The following R3HCC1L variants were observed in gnomAD, a reference collection of about 807,000 sequenced individuals.
The protein encoded by R3HCC1L is coiled-coil domain-containing protein R3HCC1L.
Under a neutral mutation model 59.9 loss-of-function variants are expected in R3HCC1L, and 51 were observed. The observed-to-expected ratio is 0.85, with a 90% CI of 0.68 to 1.07. The LOEUF (loss-of-function observed/expected upper bound fraction) is 1.07, where lower values mean the gene tolerates loss of function less well. Ranked by LOEUF, R3HCC1L falls within the 50% of genes least tolerant of loss-of-function variation. R3HCC1L has a pLI of 0.00. For synonymous variants in R3HCC1L, 322 were observed against 315.2 expected (o/e 1.02, Z -0.23); for missense variants, 965 against 933.0 (o/e 1.03, Z -0.45).
chr10:98,181,867 C>T (rs1213278621), intron 4 of R3HCC1L, among the ~76,000 whole-genome samples: 1 of 152,172 alleles, frequency 6.6e-6, no homozygotes, highest in African/African-American at 2.4e-5. Context: ...TCCATCAGGT[C>T]ATTTAAGGTC....
chr10:98,217,640 G>C (rs1340932093), intron 5 of R3HCC1L, among the ~76,000 whole-genome samples: 1 of 152,060 alleles, frequency 6.6e-6, no homozygotes, highest in East Asian at 1.9e-4. Flanking sequence ...AATTTTTCCA[G>C]TTCATAAGCA....
At chr10:98,140,075 C>T (rs937354464) in intron 1 of R3HCC1L, among the ~76,000 whole-genome samples, 5 of 151,934 alleles carry the variant, frequency 3.3e-5, no homozygotes, top group Non-Finnish European at 7.4e-5. Context: ...GTGTGTAGCA[C>T]TCCTTAATAT....
intron 4 of R3HCC1L, among the ~76,000 whole-genome samples, chr10:98,166,953 C>A (rs1331550827): frequency 6.6e-6 from 1 of 152,128 alleles, no homozygotes; most frequent in Non-Finnish European, 1.5e-5. Flanking sequence ...GCGTGAGCCA[C>A]CGCGCCTGAC....
chr10:98,234,406 A>G (rs113235248), intron 6 of R3HCC1L, 40 bp from the exon 7 acceptor site: 2 of 1,566,606 alleles, frequency 1.3e-6, no homozygotes, highest in Non-Finnish European at 8.8e-7. Flanking sequence ...ATAAAAGTAA[A>G]TTTTATTTTA....
intron 5 of R3HCC1L, among the ~76,000 whole-genome samples, chr10:98,228,013 C>A (rs756398556): frequency 6.6e-6 from 1 of 152,080 alleles, no homozygotes; most frequent in African/African-American, 2.4e-5. Flanking sequence ...CCGAGTCTTT[C>A]CTATTGTGAA....
At chr10:98,140,497 A>G (rs1276953941) in intron 1 of R3HCC1L, among the ~76,000 whole-genome samples, 1 of 152,162 alleles carries the variant, frequency 6.6e-6, no homozygotes, top group Admixed American at 6.5e-5. Context: ...AGAGAGGGAC[A>G]GTCACCTAGG....
intron 4 of R3HCC1L, among the ~76,000 whole-genome samples, chr10:98,207,384 G>A (rs907976889): frequency 6.6e-6 from 1 of 152,150 alleles, no homozygotes; most frequent in African/African-American, 2.4e-5. Context: ...CCATGGTGGA[G>A]GTTGTCAGGG....
At position 98,209,684 on chromosome 10, in the gene R3HCC1L, AC is replaced by A; in HGVS notation, c.1571del (p.Thr524MetfsTer16). 6.2e-7 allele frequency: 1 copy of A among 1,614,016 alleles called. No individual in the cohort carries two copies. Among genetic ancestry groups the A allele is most frequent in the Admixed American group, 1.7e-5 (1 of 60,006 alleles). ...DTTEALHELR[T>X]AEEFKTEEQD... Reference sequence around the variant, plus strand: ...AACAGAAGCATTGCACGAACTAAGAACTGCCGAAGAGTTCAAAACAGAAGAG... The same window carrying A: ...AACAGAAGCATTGCACGAACTAAGAATGCCGAAGAGTTCAAAACAGAAGAG... On this transcript the variant is annotated frameshift_variant, in exon 5 of 10. Transcript: ENST00000298999. LOFTEE classifies it high-confidence loss of function.
At chr10:98,174,154 A>G (rs1848776350) in intron 4 of R3HCC1L, among the ~76,000 whole-genome samples, 1 of 152,228 alleles carries the variant, frequency 6.6e-6, no homozygotes, top group Non-Finnish European at 1.5e-5. Context: ...GAATTGGACT[A>G]GAACTTCAGG....
Position 98,236,098 on chromosome 10 carries a change from G to C in R3HCC1L, c.2203G>C (p.Gly735Arg). The change falls in exon 9 of 10, where the codon GGG becomes CGG. Residue 735 changes from glycine (G) to arginine (R), a missense_variant. Coordinates refer to ENST00000298999, the MANE Select transcript of R3HCC1L (RefSeq NM_001351015.2). ...LARRLVISAL[G>R]VRSKQSKTER... ...CAGAAGGTTAGTCATCAGTGCCCTT[G>C]GGGTTCGAAGTAAGCAGAGCAAAAC... is the stretch of plus-strand genomic sequence containing the variant. The C allele has an allele frequency of 6.2e-7, 1 of 1,613,946 alleles. No individual in the cohort carries two copies. The highest frequency in any genetic ancestry group is 8.5e-7 in the Non-Finnish European group (1 of 1,179,918).
At chr10:98,188,700 T>TTTTCCTATAAGA (rs1850502826) in intron 4 of R3HCC1L, among the ~76,000 whole-genome samples, 1 of 152,182 alleles carries the variant, frequency 6.6e-6, no homozygotes. Flanking sequence ...TTTATGTATT[T>TTTTCCTATAAGA]TTTCCTATAA....
At chr10:98,224,778 C>A (rs7914867) in intron 5 of R3HCC1L, among the ~76,000 whole-genome samples, 3,759 of 152,274 alleles carry the variant, frequency 0.025, 147 homozygotes, top group African/African-American at 0.081. Flanking sequence ...TCTGTTTTTG[C>A]TCTATCAGAC....
chr10:98,211,492 T>C (rs1236354688), intron 5 of R3HCC1L: 4 of 1,147,036 alleles, frequency 3.5e-6, no homozygotes, highest in Admixed American at 3.2e-5. Context: ...TAGGTGAATA[T>C]AGAGATGTTA....
chr10:98,198,494 T>G (rs1451428789), intron 4 of R3HCC1L, among the ~76,000 whole-genome samples: 1 of 19,314 alleles, frequency 5.2e-5, no homozygotes, highest in East Asian at 0.12. Context: ...AAAGAAATGA[T>G]TTGAAATTAG....
chr10:98,224,730 A>G lies in R3HCC1L; in HGVS notation c.1786-6782A>G, dbSNP rs1032290651. Among the ~76,000 whole-genome samples the G allele has an allele frequency of 6.6e-5, 10 of 152,244 alleles. No individual in the cohort carries two copies. In the East Asian group the frequency reaches 1.9e-3, roughly 29 times the overall value. On this transcript the variant is annotated intron_variant, in intron 5 of 9. Coordinates refer to ENST00000298999, the MANE Select transcript of R3HCC1L (RefSeq NM_001351015.2). ...TGTAAACTTTCCCTTGGTCTATAAT[A>G]GATAGATCAGAATGAATGAAATTCT... is the stretch of plus-strand genomic sequence containing the variant.
intron 5 of R3HCC1L, among the ~76,000 whole-genome samples, chr10:98,217,432 T>C (rs1166994436): frequency 6.6e-6 from 1 of 152,206 alleles, no homozygotes; most frequent in Non-Finnish European, 1.5e-5. Flanking sequence ...ACAGTATTTT[T>C]TGAAATCAGG....
At position 98,244,592 on chromosome 10, in the gene R3HCC1L, AG is replaced by A; in HGVS notation, c.*439del. On this transcript the variant is annotated 3_prime_UTR_variant, in exon 10 of 10. Transcript: ENST00000298999. ...AGCAGAGTAATACTGGAGGCAGAGT[AG>A]GGGGTGGTTGGAGAGCAGTTAGTAC... is the stretch of plus-strand genomic sequence containing the variant. 1 of 161,186 alleles carries A rather than the reference AG, an allele frequency of 6.2e-6. No homozygotes were observed. The highest frequency in any genetic ancestry group is 1.4e-5 in the Non-Finnish European group (1 of 73,236). 10.0% of individuals were successfully genotyped at this position (161,186 alleles called of 1,614,324 possible).
At chr10:98,169,553 A>G (rs926285023) in intron 4 of R3HCC1L, among the ~76,000 whole-genome samples, 4 of 152,130 alleles carry the variant, frequency 2.6e-5, no homozygotes, top group African/African-American at 9.7e-5. Flanking sequence ...CCACTACTTC[A>G]CTTTTGCTTG....
chr10:98,232,906 G>A (rs1856544821), intron 6 of R3HCC1L, among the ~76,000 whole-genome samples: 1 of 152,138 alleles, frequency 6.6e-6, no homozygotes, highest in Admixed American at 6.5e-5. Context: ...CCATGTACTT[G>A]TTTAATCAGT....
Sources: allele counts gnomAD v4.1 joint callset (sites outside exome capture counted in the v4.1 genomes callset), GRCh38; gene constraint gnomAD v4.1.1; transcripts MANE v1.5; gene names NCBI Gene and HGNC (gene_info 2026-07-23, HGNC 2026-07-21).